Variants in RPH3A observed in about 807,000 individuals in gnomAD.
The protein encoded by RPH3A is rabphilin-3A.
RPH3A carries 48 observed loss-of-function variants against 102.2 expected under a neutral mutation model. That is an observed-to-expected ratio of 0.47 (90% CI 0.37 to 0.60). The LOEUF is 0.60. Ranked by LOEUF, RPH3A falls within the 20% of genes least tolerant of loss-of-function variation. The pLI is 0.00. For synonymous variants in RPH3A, 310 were observed against 324.3 expected, an observed-to-expected ratio of 0.96 and a Z score of 0.47; for missense variants, 781 against 910.1, an observed-to-expected ratio of 0.86 and a Z score of 1.83.
At chr12:112,727,455 AC>A (rs2040600688) in intron 1 of RPH3A, among the ~76,000 whole-genome samples, 1 of 19,116 alleles carries the variant, frequency 5.2e-5, no homozygotes, top group Non-Finnish European at 7.0e-5. Context: ...ACACACAGAC[AC>A]AGACACACAC....
chr12:112,891,646 G>A (rs963250027), intron 19 of RPH3A, among the ~76,000 whole-genome samples: 1 of 152,196 alleles, frequency 6.6e-6, no homozygotes, highest in Non-Finnish European at 1.5e-5. Context: ...GAAGTTGGAG[G>A]GAAGCATTCC....
chr12:112,813,988 T>C lies in RPH3A; in HGVS notation c.-18-14313T>C, dbSNP rs12302082. Among the ~76,000 whole-genome samples the C allele has an allele frequency of 6.6e-3, 987 of 150,516 alleles. 6 individuals carry two copies. Among genetic ancestry groups the C allele is most frequent in the East Asian group, 0.022 (115 of 5,126 alleles). ...TGTGTATAGTGGAGTTGAGAGTGGT[T>C]GGAGAGTGGGTATGGTGGGTATGGA... On this transcript the variant is annotated intron_variant, in intron 2 of 21. Coordinates refer to ENST00000389385, the MANE Select transcript of RPH3A (RefSeq NM_001143854.2).
chr12:112,624,487 TC>T (rs2039757153), intron 1 of RPH3A, among the ~76,000 whole-genome samples: 1 of 147,888 alleles, frequency 6.8e-6, no homozygotes, highest in Admixed American at 6.7e-5. Context: ...ACACATACAC[TC>T]TCCCAAGACT....
chr12:112,802,448 A>C (rs2041371431), intron 2 of RPH3A, among the ~76,000 whole-genome samples: 1 of 152,112 alleles, frequency 6.6e-6, no homozygotes, highest in Non-Finnish European at 1.5e-5. Context: ...GCTTTGTGTG[A>C]TTAAAGTTTT....
intron 1 of RPH3A, among the ~76,000 whole-genome samples, chr12:112,750,499 C>T (rs1845986608): frequency 6.6e-6 from 1 of 152,120 alleles, no homozygotes; most frequent in Non-Finnish European, 1.5e-5. Context: ...ATTTATGCAC[C>T]TACTCTATCA....
intron 2 of RPH3A, among the ~76,000 whole-genome samples, chr12:112,809,446 T>G (rs866912984): frequency 6.6e-6 from 1 of 152,014 alleles, no homozygotes; most frequent in South Asian, 2.1e-4. Flanking sequence ...GAGGTTGACA[T>G]GAAGCACTAA....
chr12:112,852,385 G>A (rs1191882667), intron 5 of RPH3A, among the ~76,000 whole-genome samples: 4 of 152,154 alleles, frequency 2.6e-5, no homozygotes, highest in South Asian at 4.1e-4. Context: ...GAGGAGGAAG[G>A]CATTATTGGT....
chr12:112,890,855 G>A lies in RPH3A; in HGVS notation c.1627G>A (p.Glu543Lys). The A allele has an allele frequency of 3.1e-6, 5 of 1,613,546 alleles. No individual in the cohort carries two copies. The highest frequency in any genetic ancestry group is 4.2e-6 in the Non-Finnish European group (5 of 1,179,750). The change falls in exon 19 of 22, where the codon GAG becomes AAG. Residue 543 changes from glutamate to lysine, a missense_variant. Physicochemically the swap from Glu to Lys is moderately conservative, Grantham distance 56 (BLOSUM62 1). Transcript: ENST00000389385. ...GMALYEEEQV[E>K]RVGDIEERGK... ...GCCTTTTCCCCCAATGCAGCAGGTG[G>A]AGCGTGTTGGTGACATCGAGGAGCG... is the stretch of plus-strand genomic sequence containing the variant.
intron 5 of RPH3A, among the ~76,000 whole-genome samples, chr12:112,857,949 G>A (rs2042437325): frequency 6.6e-6 from 1 of 152,088 alleles, no homozygotes; most frequent in Non-Finnish European, 1.5e-5. Context: ...AGCCTCCCAA[G>A]GGCTCCATTC....
chr12:112,702,124 G>A (rs886757647), intron 1 of RPH3A, among the ~76,000 whole-genome samples: 1 of 152,248 alleles, frequency 6.6e-6, no homozygotes, highest in African/African-American at 2.4e-5. Context: ...ATCAGATGCA[G>A]ATAAGCTGGC....
In RPH3A at chr12:112,865,525, A is replaced by G; in HGVS notation, c.342A>G (p.Val114=). The change falls in exon 6 of 22, where the codon GTA becomes GTG. Residue 114 remains valine, a synonymous_variant. Transcript: ENST00000389385. ...QLGMLGSACV[V]CEDCKKNVCT... ...GGATGCTGGGCTCTGCCTGTGTAGT[A>G]TGTGAGGACTGTAAGAAGGTATCAT... The G allele has an allele frequency of 6.2e-7, 1 of 1,613,690 alleles. No individual in the cohort carries two copies. Among genetic ancestry groups the G allele is most frequent in the Non-Finnish European group, 8.5e-7 (1 of 1,179,926 alleles).
Position 112,896,955 on chromosome 12 carries a change from C to G in RPH3A, c.*175C>G, listed in dbSNP as rs549093626. 4.8e-6 allele frequency: 3 copies of G among 624,054 alleles called. No homozygotes were observed. In the East Asian group the frequency reaches 8.6e-5, roughly 18 times the overall value. 38.7% of individuals were successfully genotyped at this position (624,054 alleles called of 1,614,324 possible). On this transcript the variant is annotated 3_prime_UTR_variant, in exon 22 of 22. Transcript: ENST00000389385. ...GCACTGCTGCCAAAGACTCCCTCCT[C>G]CCTGATGCTGGGATGTGGGCTCTGA...
chr12:112,783,555 A>G (rs900870979), intron 1 of RPH3A, among the ~76,000 whole-genome samples: 5 of 152,200 alleles, frequency 3.3e-5, no homozygotes, highest in Admixed American at 6.5e-5. Context: ...GGATAACAAT[A>G]AAAAATGAAC....
chr12:112,629,037 G>A (rs753800577), intron 1 of RPH3A, among the ~76,000 whole-genome samples: 7 of 152,142 alleles, frequency 4.6e-5, no homozygotes, highest in Non-Finnish European at 8.8e-5. Flanking sequence ...TCTCTATGCT[G>A]TTAATTCCTG....
At chr12:112,883,845 G>A (rs2042964351) in intron 16 of RPH3A, among the ~76,000 whole-genome samples, 3 of 147,440 alleles carry the variant, frequency 2.0e-5, no homozygotes, top group Non-Finnish European at 4.6e-5. Context: ...TTTGCCATTA[G>A]AAGTAATGGA....
At chr12:112,589,532 T>C (rs1438413622) in intron 1 of RPH3A, among the ~76,000 whole-genome samples, 1 of 152,184 alleles carries the variant, frequency 6.6e-6, no homozygotes, top group Non-Finnish European at 1.5e-5. Context: ...TGCCTGGCTC[T>C]CCCATTTCCT....
chr12:112,699,829 C>T (rs1412571160), intron 1 of RPH3A, among the ~76,000 whole-genome samples: 1 of 152,198 alleles, frequency 6.6e-6, no homozygotes, highest in Non-Finnish European at 1.5e-5. Flanking sequence ...AGTCTACATA[C>T]ACTTCTAGGA....
At chr12:112,731,573 C>G (rs1013235412) in intron 1 of RPH3A, among the ~76,000 whole-genome samples, 1 of 152,182 alleles carries the variant, frequency 6.6e-6, no homozygotes, top group Admixed American at 6.6e-5. Context: ...TCTTAATTTC[C>G]TTTATTCCAA....
chr12:112,891,054 C>G (rs776254049), intron 19 of RPH3A, 51 bp downstream of exon 19: 2 of 1,598,880 alleles, frequency 1.3e-6, no homozygotes, highest in Non-Finnish European at 1.7e-6. Flanking sequence ...GTCCTGGAGC[C>G]TTGGAAAAGG....
Sources: gnomAD v4.1 joint callset for allele counts (sites outside exome capture counted in the v4.1 genomes callset) on GRCh38, gnomAD v4.1.1 for gene constraint, MANE v1.5 for transcripts, NCBI Gene and HGNC (gene_info 2026-07-23, HGNC 2026-07-21) for gene names.